Variants in SNTB1 observed in about 807,000 individuals in gnomAD.
The protein encoded by SNTB1 is syntrophin beta 1.
A neutral mutation model predicts 48.9 loss-of-function variants in SNTB1; 36 were observed. The observed-to-expected ratio is 0.74, with a 90% confidence interval of 0.56 to 0.97. The LOEUF (loss-of-function observed/expected upper bound fraction) is 0.97. SNTB1 is among the 50% of genes least tolerant of loss of function. The probability of loss-of-function intolerance (pLI) is 0.00; values close to 1 mark genes in which losing one functional copy is unlikely to be tolerated. For missense variants in SNTB1, 786 were observed against 703.4 expected, an observed-to-expected ratio of 1.12 and a Z score of -1.33; for synonymous variants, 299 against 294.6, an observed-to-expected ratio of 1.01 and a Z score of -0.15.
At chr8:120,578,707 A>C (rs1400061097) in intron 3 of SNTB1, among the ~76,000 whole-genome samples, 1 of 152,162 alleles carries the variant, frequency 6.6e-6, no homozygotes, top group Non-Finnish European at 1.5e-5. Flanking sequence ...GCATGAGAGG[A>C]AAGGTTTACA....
intron 2 of SNTB1, among the ~76,000 whole-genome samples, chr8:120,650,940 G>C (rs1817402535): frequency 6.6e-6 from 1 of 152,144 alleles, no homozygotes; most frequent in South Asian, 2.1e-4. Flanking sequence ...TATTGGCTGT[G>C]AAGCATTAGG....
At chr8:120,688,944 A>G (rs1444038468) in intron 2 of SNTB1, among the ~76,000 whole-genome samples, 1 of 152,138 alleles carries the variant, frequency 6.6e-6, no homozygotes, top group Non-Finnish European at 1.5e-5. Flanking sequence ...TGTAAGAAAC[A>G]TACCCAAATA....
intron 3 of SNTB1, among the ~76,000 whole-genome samples, chr8:120,617,604 TC>T (rs1816735683): frequency 6.6e-6 from 1 of 152,248 alleles, no homozygotes; most frequent in Non-Finnish European, 1.5e-5. Flanking sequence ...TGAATTATTT[TC>T]CAAAGGAACT....
At chr8:120,660,185 G>A (rs1227316710) in intron 2 of SNTB1, among the ~76,000 whole-genome samples, 1 of 152,206 alleles carries the variant, frequency 6.6e-6, no homozygotes, top group East Asian at 1.9e-4. Context: ...GAGTCAGCCT[G>A]TCCTCTGAAG....
chr8:120,562,826 T>A (rs1467330967), intron 4 of SNTB1, among the ~76,000 whole-genome samples: 2 of 152,034 alleles, frequency 1.3e-5, no homozygotes, highest in African/African-American at 4.8e-5. Context: ...CCTTCCACGC[T>A]GTGGAAGCTT....
intron 3 of SNTB1, among the ~76,000 whole-genome samples, chr8:120,606,703 T>C (rs1217643680): frequency 6.6e-6 from 1 of 152,212 alleles, no homozygotes. Context: ...CAGAATCAAG[T>C]GGTGGTGAGA....
chr8:120,744,587 C>A (rs913486677), intron 1 of SNTB1, among the ~76,000 whole-genome samples: 50 of 152,106 alleles, frequency 3.3e-4, no homozygotes, highest in Non-Finnish European at 4.4e-5. Context: ...TGCAGGGGAA[C>A]TCAGTGGGAA....
intron 4 of SNTB1, among the ~76,000 whole-genome samples, chr8:120,574,777 C>T (rs11777455): frequency 0.66 from 100,470 of 151,996 alleles, 35,645 homozygotes; most frequent in Non-Finnish European, 0.81. Context: ...ACTATAAACA[C>T]ATATGTCCAG....
At chr8:120,691,662 A>G (rs895216912) in intron 2 of SNTB1, among the ~76,000 whole-genome samples, 1 of 152,224 alleles carries the variant, frequency 6.6e-6, no homozygotes, top group Non-Finnish European at 1.5e-5. Flanking sequence ...TTTCTAGAAA[A>G]GCAGAAACTG....
chr8:120,782,444 T>C (rs1265376953), intron 1 of SNTB1, among the ~76,000 whole-genome samples: 1 of 152,086 alleles, frequency 6.6e-6, no homozygotes, highest in Non-Finnish European at 1.5e-5. Flanking sequence ...TTTTTAAAAG[T>C]TAAAATCAAC....
intron 3 of SNTB1, among the ~76,000 whole-genome samples, chr8:120,617,036 T>C (rs1316944100): frequency 2.0e-5 from 3 of 152,204 alleles, no homozygotes; most frequent in Non-Finnish European, 4.4e-5. Flanking sequence ...ATGGGCCACA[T>C]GTGGCCCGGG....
chr8:120,786,147 C>G (rs7010904), intron 1 of SNTB1, among the ~76,000 whole-genome samples: 2 of 152,126 alleles, frequency 1.3e-5, no homozygotes, highest in Non-Finnish European at 1.5e-5. Flanking sequence ...TCCCCAGCAA[C>G]AGTCTGGGGT....
chr8:120,565,065 A>T (rs1815728087), intron 4 of SNTB1, among the ~76,000 whole-genome samples: 1 of 152,166 alleles, frequency 6.6e-6, no homozygotes, highest in African/African-American at 2.4e-5. Flanking sequence ...ATTTTTGGAG[A>T]CATTTTGTTG....
chr8:120,797,293 T>A (rs372475470), intron 1 of SNTB1, among the ~76,000 whole-genome samples: 4 of 152,150 alleles, frequency 2.6e-5, no homozygotes, highest in African/African-American at 9.6e-5. Context: ...AAATAAAGTG[T>A]ACCTGTATAA....
At chr8:120,734,125 C>T (rs1009084454) in intron 1 of SNTB1, among the ~76,000 whole-genome samples, 3 of 152,036 alleles carry the variant, frequency 2.0e-5, no homozygotes, top group Admixed American at 6.6e-5. Context: ...AGCTTATGAC[C>T]GAAGAAGTTC....
chr8:120,755,572 A>G (rs1211283863), intron 1 of SNTB1, among the ~76,000 whole-genome samples: 1 of 152,178 alleles, frequency 6.6e-6, no homozygotes, highest in Non-Finnish European at 1.5e-5. Context: ...CTGTCAAAAA[A>G]GGAAACTCAT....
At chr8:120,801,826 C>CT (rs1563607432) in intron 1 of SNTB1, among the ~76,000 whole-genome samples, 1 of 152,080 alleles carries the variant, frequency 6.6e-6, no homozygotes, top group Non-Finnish European at 1.5e-5. Context: ...TCTATCTAAA[C>CT]TTTTTTAAAA....
chr8:120,577,765 A>C (rs555905595), intron 3 of SNTB1, among the ~76,000 whole-genome samples: 116 of 152,364 alleles, frequency 7.6e-4, no homozygotes, highest in Middle Eastern at 3.4e-3. Context: ...AGACTTCTCT[A>C]CTGGTGGAAT....
At chr8:120,756,794 A>C (rs1819324988) in intron 1 of SNTB1, among the ~76,000 whole-genome samples, 1 of 152,164 alleles carries the variant, frequency 6.6e-6, no homozygotes, top group African/African-American at 2.4e-5. Flanking sequence ...GGTAGAAAAC[A>C]AGAGAAAAGC....
Sources: gnomAD v4.1 joint callset for allele counts (sites outside exome capture counted in the v4.1 genomes callset) on GRCh38, gnomAD v4.1.1 for gene constraint, MANE v1.5 for transcripts, NCBI Gene and HGNC (gene_info 2026-07-23, HGNC 2026-07-21) for gene names.